The following DNAI4 variants were observed in gnomAD, a reference collection of about 807,000 sequenced individuals.
The protein encoded by DNAI4 is dynein axonemal intermediate chain 4, also known as WD repeat domain 78.
DNAI4 carries 85 observed loss-of-function variants against 105.8 expected under a neutral mutation model. That is an observed-to-expected ratio of 0.80 (90% confidence interval 0.67 to 0.96). The LOEUF is 0.96. Ranked by LOEUF, DNAI4 falls within the 40% of genes least tolerant of loss-of-function variation. The pLI is 0.00. For synonymous variants in DNAI4, 352 were observed against 331.5 expected (o/e 1.06, Z -0.67); for missense variants, 1,014 against 1,005.6 (o/e 1.01, Z -0.11).
intron 4 of DNAI4, among the ~76,000 whole-genome samples, chr1:66,888,570 G>A (rs1439004334): frequency 6.6e-6 from 1 of 152,210 alleles, no homozygotes; most frequent in Admixed American, 6.5e-5. Context: ...GCAAGCGCCT[G>A]TATTCCCAGC....
chr1:66,923,311 G>T (rs1650688052), intron 1 of DNAI4, among the ~76,000 whole-genome samples: 1 of 152,152 alleles, frequency 6.6e-6, no homozygotes, highest in Non-Finnish European at 1.5e-5. Flanking sequence ...TGTAGCCTAG[G>T]TGTATAGTAG....
intron 1 of DNAI4, among the ~76,000 whole-genome samples, chr1:66,916,538 A>G (rs1650086037): frequency 6.6e-6 from 1 of 152,138 alleles, no homozygotes; most frequent in Admixed American, 6.5e-5. Flanking sequence ...TCAACTCTTC[A>G]AGGTCCCGTG....
At chr1:66,858,324 C>T (rs1646546594) in intron 7 of DNAI4, among the ~76,000 whole-genome samples, 1 of 151,256 alleles carries the variant, frequency 6.6e-6, no homozygotes, top group South Asian at 2.1e-4. Flanking sequence ...AGTCAGGAGA[C>T]CGAGACCATC....
In DNAI4 at chr1:66,828,012, C is replaced by T. The variant is rs542478692; in HGVS notation, c.2014-102G>A. 5,443 of 709,820 alleles carry T rather than the reference C, an allele frequency of 7.7e-3. 33 individuals are homozygous for T. The highest frequency in any genetic ancestry group is 0.011 in the Non-Finnish European group (4,687 of 438,198). The allele number at this position is 709,820 out of a possible 1,614,324, so 44.0% of individuals were successfully genotyped here. ...GGATCTATTAAAATCAATTCAAGAA[C>T]CCAAAATAAAAACACTATCTTGAAT... On this transcript the variant is annotated intron_variant, in intron 13 of 16. Transcript: ENST00000371026.
At chr1:66,875,117 T>C (rs905075555) in intron 4 of DNAI4, among the ~76,000 whole-genome samples, 180 bp from the exon 5 acceptor site, 2 of 152,178 alleles carry the variant, frequency 1.3e-5, no homozygotes, top group African/African-American at 4.8e-5. Flanking sequence ...TTGGATCTTG[T>C]AGGCCATAAA....
chr1:66,837,136 C>A (rs1010351648), intron 10 of DNAI4, among the ~76,000 whole-genome samples: 1 of 152,034 alleles, frequency 6.6e-6, no homozygotes, highest in East Asian at 1.9e-4. Flanking sequence ...GAAGCCAAGG[C>A]GGCTGGATCA....
At chr1:66,873,619 C>T (rs1646895944) in intron 5 of DNAI4, among the ~76,000 whole-genome samples, 1 of 152,174 alleles carries the variant, frequency 6.6e-6, no homozygotes, top group South Asian at 2.1e-4. Context: ...TTGCTTCTGA[C>T]AGTAGGGAGT....
At chr1:66,871,124 A>G in intron 6 of DNAI4, 2 of 418,488 alleles carry the variant, frequency 4.8e-6, no homozygotes, top group Non-Finnish European at 8.4e-6. Flanking sequence ...TTTAAAGAGT[A>G]TAAAGTTCTA....
chr1:66,876,795 T>C (rs1413521446), intron 4 of DNAI4, among the ~76,000 whole-genome samples: 1 of 152,118 alleles, frequency 6.6e-6, no homozygotes, highest in Non-Finnish European at 1.5e-5. Context: ...CCTGCTCCTC[T>C]TGACTGCCAA....
intron 10 of DNAI4, among the ~76,000 whole-genome samples, chr1:66,837,118 C>G (rs1002715716): frequency 3.3e-5 from 5 of 152,102 alleles, no homozygotes; most frequent in Non-Finnish European, 7.4e-5. Flanking sequence ...GTAATCCCAG[C>G]ACTTTGGGAA....
At chr1:66,898,032 C>T (rs1648475704) in intron 2 of DNAI4, among the ~76,000 whole-genome samples, 1 of 152,162 alleles carries the variant, frequency 6.6e-6, no homozygotes, top group African/African-American at 2.4e-5. Context: ...ATGCCCAAGG[C>T]CCTGGGGACC....
At position 66,890,761 on chromosome 1, in the gene DNAI4, GGAAGAGGAA is replaced by G. The variant is rs1211592116; in HGVS notation, c.643+384_643+392del. On this transcript the variant is annotated intron_variant, in intron 4 of 16. Transcript: ENST00000371026. The surrounding 1 kb of genome is among the most constrained non-coding windows in gnomAD (Gnocchi z 4.1). ...AGGGGGAGAAGGAAGAGGAGGAGGA[GGAAGAGGAA>G]GAAGAGGAAGAGGAGGAAGAAGAAG... The G allele has an allele frequency of 3.0e-4, 78 of 259,954 alleles. No homozygotes were observed. The highest frequency in any genetic ancestry group is 1.3e-3 in the African/African-American group (54 of 42,084). 16.1% of individuals were successfully genotyped at this position (259,954 alleles called of 1,614,324 possible). A position where few individuals can be genotyped will look rare whatever the true frequency, so the allele number is the denominator to read the frequency against.
intron 1 of DNAI4, among the ~76,000 whole-genome samples, chr1:66,910,432 T>A (rs554394731): frequency 2.0e-5 from 3 of 152,368 alleles, no homozygotes; most frequent in South Asian, 2.1e-4. Flanking sequence ...TTTATATTCA[T>A]GCTGGGCACA....
At chr1:66,844,605 G>C (rs1259390175) in intron 8 of DNAI4, among the ~76,000 whole-genome samples, 1 of 151,922 alleles carries the variant, frequency 6.6e-6, no homozygotes, top group African/African-American at 2.4e-5. Context: ...AATATAGATA[G>C]TAGACCTAAA....
chr1:66,826,921 A>C lies in DNAI4; in HGVS notation c.2238T>G (p.Ala746=), dbSNP rs1244035105. Reference sequence around the variant, plus strand: ...AGGCAACGTCGTAAACAACAGAAGTAGCTGGATAAAAACTCAAAGATGGCT... The same window carrying C: ...AGGCAACGTCGTAAACAACAGAAGTCGCTGGATAAAAACTCAAAGATGGCT... ...NVKPSLSFYP[A]TSVVYDVAWS... is the part of the protein sequence containing the mutation. The change falls in exon 15 of 17, where the codon GCT becomes GCG. Residue 746 remains alanine, a synonymous_variant. Transcript: ENST00000371026. The C allele has an allele frequency of 6.2e-7, 1 of 1,614,086 alleles. No individual in the cohort carries two copies. Among genetic ancestry groups the C allele is most frequent in the Non-Finnish European group, 8.5e-7 (1 of 1,180,038 alleles).
chr1:66,847,638 A>C lies in DNAI4; in HGVS notation c.1137T>G (p.Ile379Met). 6.2e-7 allele frequency: 1 copy of C among 1,613,322 alleles called. No individual in the cohort carries two copies. The highest frequency in any genetic ancestry group is 8.5e-7 in the Non-Finnish European group (1 of 1,179,788). Reference sequence around the variant, plus strand: ...CCTCATCTTCATGGATTTTTGCCAGAATTACATTTTCTATGTCCATTAGAG... The same window carrying C: ...CCTCATCTTCATGGATTTTTGCCAGCATTACATTTTCTATGTCCATTAGAG... ...TSSLMDIENVILAKIHEDEED... is the reference protein window; with the variant it reads ...TSSLMDIENVMLAKIHEDEED... Residue 379 changes from isoleucine (I) to methionine (M), a missense_variant, in exon 8 of 17, where the codon ATT becomes ATG. By Grantham distance (10) the Ile-to-Met change is conservative. Transcript: ENST00000371026.
intron 6 of DNAI4, among the ~76,000 whole-genome samples, chr1:66,863,415 C>T (rs1450991414): frequency 1.3e-5 from 2 of 152,076 alleles, no homozygotes; most frequent in Admixed American, 1.3e-4. Context: ...GCAATGTTTT[C>T]AATCGGTAAT....
chr1:66,874,376 C>G (rs1646917235), intron 5 of DNAI4, among the ~76,000 whole-genome samples: 1 of 151,936 alleles, frequency 6.6e-6, no homozygotes, highest in Non-Finnish European at 1.5e-5. Context: ...TAGGTTGGTG[C>G]AAAAGTAATT....
intron 8 of DNAI4, 146 bp from the exon 9 acceptor site, chr1:66,840,817 G>A (rs1646133959): frequency 2.4e-6 from 2 of 822,334 alleles, no homozygotes; most frequent in Non-Finnish European, 3.8e-6. Flanking sequence ...AGGGCACCAT[G>A]AAGGGCAGCC....
Sources: gnomAD v4.1 joint callset for allele counts (sites outside exome capture counted in the v4.1 genomes callset) on GRCh38, gnomAD v4.1.1 for gene constraint, Gnocchi (gnomAD v3.1) non-coding constraint, MANE v1.5 for transcripts, NCBI Gene and HGNC (gene_info 2026-07-23, HGNC 2026-07-21) for gene names.